BRINP3: variants seen among roughly 807,000 people sequenced by gnomAD.
The protein encoded by BRINP3 is BMP/retinoic acid inducible neural specific 3.
Under a neutral mutation model 71.0 loss-of-function variants are expected in BRINP3, and 19 were observed. That is an observed-to-expected ratio of 0.27 (90% confidence interval 0.19 to 0.39). The LOEUF is 0.39. Among genes scored for constraint, BRINP3 ranks in the 10% least tolerant of loss-of-function variants. The pLI is 1.00. For missense variants in BRINP3, 959 were observed against 940.8 expected (o/e 1.02, Z -0.25); for synonymous variants, 380 against 337.7 (o/e 1.13, Z -1.37).
intron 7 of BRINP3, among the ~76,000 whole-genome samples, chr1:190,108,602 A>G (rs1652397192): frequency 6.7e-6 from 1 of 149,322 alleles, no homozygotes; most frequent in Non-Finnish European, 1.5e-5. Context: ...GACAGAAGCA[A>G]TCTAGTATGC....
chr1:190,248,080 A>G (rs1344451739), intron 4 of BRINP3, among the ~76,000 whole-genome samples: 6 of 151,854 alleles, frequency 4.0e-5, no homozygotes, highest in Non-Finnish European at 8.8e-5. Context: ...TTCTGGTTTC[A>G]GAATATCCTT....
At chr1:190,471,268 T>C (rs1677121087) in intron 1 of BRINP3, among the ~76,000 whole-genome samples, 1 of 151,188 alleles carries the variant, frequency 6.6e-6, no homozygotes, top group African/African-American at 2.4e-5. Flanking sequence ...GTCATTAGTG[T>C]TCATTATTAA....
chr1:190,198,442 T>TTC (rs1458178277), intron 6 of BRINP3, among the ~76,000 whole-genome samples: 1 of 152,156 alleles, frequency 6.6e-6, no homozygotes, highest in Non-Finnish European at 1.5e-5. Context: ...GCTTTCCCTT[T>TTC]TAAATATAAG....
At chr1:190,463,805 C>T (rs1402872162) in intron 1 of BRINP3, among the ~76,000 whole-genome samples, 1 of 151,762 alleles carries the variant, frequency 6.6e-6, no homozygotes, top group Non-Finnish European at 1.5e-5. Context: ...CTTTCTTAAT[C>T]TTTACATTTT....
At chr1:190,340,699 C>G (rs984155814) in intron 2 of BRINP3, among the ~76,000 whole-genome samples, 6 of 151,246 alleles carry the variant, frequency 4.0e-5, no homozygotes, top group African/African-American at 1.5e-4. Context: ...AGAATAGAAC[C>G]TTTCTTATGA....
intron 7 of BRINP3, among the ~76,000 whole-genome samples, chr1:190,130,438 T>C (rs970045561): frequency 6.6e-6 from 1 of 152,068 alleles, no homozygotes; most frequent in African/African-American, 2.4e-5. Flanking sequence ...TCATTAACCT[T>C]AAGCATTATT....
chr1:190,360,816 T>G (rs2102119705), intron 2 of BRINP3, among the ~76,000 whole-genome samples: 1 of 152,206 alleles, frequency 6.6e-6, no homozygotes, highest in South Asian at 2.1e-4. Context: ...ATCTGCAGTT[T>G]TCTCAGGGAA....
At position 190,160,668 on chromosome 1, in the gene BRINP3, C is replaced by T; in HGVS notation, c.1184G>A (p.Arg395Lys). The change falls in exon 7 of 8, where the codon AGA becomes AAA. Residue 395 changes from arginine to lysine, a missense_variant and splice_region_variant. Coordinates refer to ENST00000367462, the MANE Select transcript of BRINP3 (RefSeq NM_199051.3). ...KQPLISLPRQ[R>K]TSTYWLTRIQ... is the part of the protein sequence containing the mutation. ...GCTTACATTACCACAAATGTCTTACCTTTGTCTTGGCAGGCTGATGAGGGG... is the reference window on the plus strand; with the variant it reads ...GCTTACATTACCACAAATGTCTTACTTTTGTCTTGGCAGGCTGATGAGGGG... The T allele has an allele frequency of 5.6e-6, 9 of 1,610,210 alleles. No homozygotes were observed. Among genetic ancestry groups the T allele is most frequent in the Non-Finnish European group, 7.6e-6 (9 of 1,178,140 alleles).
At chr1:190,238,947 G>A (rs113164789) in intron 4 of BRINP3, among the ~76,000 whole-genome samples, 2 of 152,070 alleles carry the variant, frequency 1.3e-5, no homozygotes. Context: ...AGGTTTAATC[G>A]ACTTGCAGTT....
chr1:190,273,043 T>C (rs1168513912), intron 3 of BRINP3, among the ~76,000 whole-genome samples: 1 of 138,468 alleles, frequency 7.2e-6, no homozygotes, highest in Admixed American at 7.8e-5. Context: ...TTCTTTCCTG[T>C]AAGAGATCTG....
At chr1:190,373,336 G>C (rs906586355) in intron 2 of BRINP3, among the ~76,000 whole-genome samples, 1 of 151,898 alleles carries the variant, frequency 6.6e-6, no homozygotes, top group African/African-American at 2.4e-5. Flanking sequence ...GTTGCAGTGA[G>C]CCGAGATAGC....
Position 190,361,271 on chromosome 1 carries a change from A to G in BRINP3, c.237-79521T>C, listed in dbSNP as rs538696776. Among the ~76,000 whole-genome samples, 7 of 152,118 alleles carry G rather than the reference A, an allele frequency of 4.6e-5. No individual in the cohort carries two copies. The South Asian group carries it at 1.2e-3, about 27-fold the overall frequency. ...ATTAATCAAGTAGGTTTTTGATGAA[A>G]TAACTCTAACATAATTTCCGAAGAG... is the stretch of plus-strand genomic sequence containing the variant. On this transcript the variant is annotated intron_variant, in intron 2 of 7. Transcript: ENST00000367462.
At chr1:190,305,921 G>A (rs1035598988) in intron 2 of BRINP3, among the ~76,000 whole-genome samples, 15 of 151,624 alleles carry the variant, frequency 9.9e-5, no homozygotes, top group Non-Finnish European at 1.5e-4. Flanking sequence ...GTACAATTAT[G>A]TGTTAATCAT....
intron 2 of BRINP3, among the ~76,000 whole-genome samples, chr1:190,349,335 T>C (rs949468027): frequency 1.3e-5 from 2 of 152,052 alleles, no homozygotes; most frequent in Non-Finnish European, 2.9e-5. Context: ...TAGGCAAGGT[T>C]AAGAGTGGAG....
intron 7 of BRINP3, among the ~76,000 whole-genome samples, chr1:190,119,416 C>T (rs1184913431): frequency 6.6e-6 from 1 of 152,074 alleles, no homozygotes; most frequent in African/African-American, 2.4e-5. Flanking sequence ...GCTGGGATTA[C>T]AGGCACATGC....
At chr1:190,476,270 A>G (rs1265402032) in intron 1 of BRINP3, among the ~76,000 whole-genome samples, 1 of 151,690 alleles carries the variant, frequency 6.6e-6, no homozygotes, top group East Asian at 1.9e-4. Flanking sequence ...AAAAAAGGAA[A>G]AGAAAAGCGT....
chr1:190,157,463 G>A (rs1473847288), intron 7 of BRINP3, among the ~76,000 whole-genome samples: 6 of 151,954 alleles, frequency 3.9e-5, no homozygotes, highest in Non-Finnish European at 5.9e-5. Context: ...CTGAGCTTCA[G>A]ACATACATAT....
chr1:190,172,989 A>G (rs1652157371), intron 6 of BRINP3, among the ~76,000 whole-genome samples: 1 of 152,138 alleles, frequency 6.6e-6, no homozygotes, highest in Non-Finnish European at 1.5e-5. Context: ...TAAGTGGATT[A>G]AGAATGTTTC....
chr1:190,111,263 T>G (rs1652673769), intron 7 of BRINP3, among the ~76,000 whole-genome samples: 1 of 149,260 alleles, frequency 6.7e-6, no homozygotes, highest in Admixed American at 6.7e-5. Flanking sequence ...CCGATGGTAA[T>G]CACCTCCTTA....
Sources: gnomAD v4.1 joint callset for allele counts (sites outside exome capture counted in the v4.1 genomes callset) on GRCh38, gnomAD v4.1.1 for gene constraint, MANE v1.5 for transcripts, NCBI Gene and HGNC (gene_info 2026-07-23, HGNC 2026-07-21) for gene names.